The following ZNF626 variants were observed in gnomAD, a reference collection of about 807,000 sequenced individuals.
ZNF626 encodes the protein zinc finger protein 626, also known as CTC-513N18.7.
In ZNF626, 4 loss-of-function variants were observed where a neutral mutation model predicts 11.7. That is an observed-to-expected ratio of 0.34 (90% CI 0.17 to 0.78). The LOEUF is 0.78. Ranked by LOEUF, ZNF626 falls within the 30% of genes least tolerant of loss-of-function variation. The pLI is 0.57. For synonymous variants in ZNF626, 179 were observed against 198.6 expected, an observed-to-expected ratio of 0.90 and a Z score of 0.83; for missense variants, 588 against 587.1, an observed-to-expected ratio of 1.00 and a Z score of -0.01.
intron 3 of ZNF626, among the ~76,000 whole-genome samples, chr19:20,626,844 A>C (rs1323575782): frequency 6.6e-6 from 1 of 152,038 alleles, no homozygotes; most frequent in African/African-American, 2.4e-5. Context: ...GTAAAAACCC[A>C]TCTCTGCTAA....
At chr19:20,660,285 T>A (rs1216382934) in intron 1 of ZNF626, among the ~76,000 whole-genome samples, 1 of 150,564 alleles carries the variant, frequency 6.6e-6, no homozygotes, top group Non-Finnish European at 1.5e-5. Context: ...GTTGCAGGCT[T>A]AATATTAGCC....
Position 20,623,699 on chromosome 19 carries a change from T to C in ZNF626, c.*591A>G, listed in dbSNP as rs570912727. ...CTGTAATCCCCCTTACTTGGGAGGT[T>C]GAGGCAGGAGAATGGATTGAACCCA... On this transcript the variant is annotated 3_prime_UTR_variant, in exon 4 of 4. Coordinates refer to ENST00000601440, the MANE Select transcript of ZNF626 (RefSeq NM_001076675.3). 31 of 198,510 alleles carry C rather than the reference T, an allele frequency of 1.6e-4. No individual in the cohort carries two copies. In the East Asian group the frequency reaches 3.9e-3, roughly 25 times the overall value. The allele number at this position is 198,510 out of a possible 1,614,324, so 12.3% of individuals were successfully genotyped here.
Position 20,649,002 on chromosome 19 carries a change from G to GA in ZNF626, c.4-2598dup, listed in dbSNP as rs1199797137. 2.2e-4 allele frequency among the ~76,000 whole-genome samples: 33 copies of GA among 152,266 alleles called. 1 individual carries two copies. Among genetic ancestry groups the GA allele is most frequent in the Admixed American group, 1.8e-3 (27 of 15,280 alleles). On this transcript the variant is annotated intron_variant, in intron 1 of 3. Coordinates refer to ENST00000601440, the MANE Select transcript of ZNF626 (RefSeq NM_001076675.3). ...TAATTAAGCCAAACTCATTAGGGAG[G>GA]AAAAACACAAGTAGACAAGTAAAGG...
intron 3 of ZNF626, among the ~76,000 whole-genome samples, chr19:20,644,052 GGC>G (rs1555771686): frequency 2.0e-5 from 3 of 152,162 alleles, no homozygotes; most frequent in Non-Finnish European, 2.9e-5. Flanking sequence ...GCCAGAGTCT[GGC>G]AGAGGTCCTG....
intron 1 of ZNF626, among the ~76,000 whole-genome samples, chr19:20,652,799 C>T (rs940748490): frequency 3.3e-5 from 5 of 152,118 alleles, no homozygotes; most frequent in Admixed American, 6.5e-5. Flanking sequence ...GCTTGAGTGG[C>T]TGGAGTAGCA....
rs978051593 is a variant in ZNF626, at chr19:20,625,221, T to C, written c.656A>G (p.His219Arg). 2 of 1,613,506 alleles carry C rather than the reference T, an allele frequency of 1.2e-6. No homozygotes were observed. The highest frequency in any genetic ancestry group is 1.7e-6 in the Non-Finnish European group (2 of 1,179,962). Residue 219 changes from histidine to arginine, a missense_variant, in exon 4 of 4, where the codon CAT (histidine) becomes CGT (arginine). By Grantham distance (29) the His-to-Arg change is conservative (BLOSUM62 0). This residue lies in a region of ZNF626 where 524 missense variants were observed against 470.1 expected (regional missense o/e 1.11). Transcript: ENST00000601440. The stretch of plus-strand genomic sequence containing the variant: ...TTTCTCTCCAGTATGAATTTTCTTA[T>C]GTCTAGTAAGGCTACAAGAGTGGTT... ...AFNHSCSLTR[H>R]KKIHTGEKPY...
chr19:20,642,780 G>A (rs1970037174), intron 3 of ZNF626, among the ~76,000 whole-genome samples: 1 of 152,116 alleles, frequency 6.6e-6, no homozygotes, highest in Non-Finnish European at 1.5e-5. Context: ...CACTTTGGGA[G>A]GCTGAGGCGG....
chr19:20,661,513 A>T lies in ZNF626; in HGVS notation c.-67T>A. 2 of 1,578,616 alleles carry T rather than the reference A, an allele frequency of 1.3e-6. No individual in the cohort carries two copies. The highest frequency in any genetic ancestry group is 1.7e-6 in the Non-Finnish European group (2 of 1,163,768). ...CCCAATACCTGCAGGACACGGGGCC[A>T]CACAGCCTGGGCCTTTAGGAGAAGA... On this transcript the variant is annotated 5_prime_UTR_variant, in exon 1 of 4. Coordinates refer to ENST00000601440, the MANE Select transcript of ZNF626 (RefSeq NM_001076675.3).
chr19:20,653,654 A>G (rs1970172499), intron 1 of ZNF626, among the ~76,000 whole-genome samples: 1 of 42,266 alleles, frequency 2.4e-5, no homozygotes, highest in African/African-American at 4.5e-4. Context: ...AAAAAAAAAG[A>G]AAAAGAAAAA....
At chr19:20,660,710 C>T (rs1970257086) in intron 1 of ZNF626, among the ~76,000 whole-genome samples, 1 of 152,068 alleles carries the variant, frequency 6.6e-6, no homozygotes, top group African/African-American at 2.4e-5. Context: ...CTTGAGCCAC[C>T]GCGCCCAGCA....
chr19:20,655,825 C>CT (rs1193962932), intron 1 of ZNF626, among the ~76,000 whole-genome samples: 1 of 151,868 alleles, frequency 6.6e-6, no homozygotes, highest in African/African-American at 2.4e-5. Flanking sequence ...GTCCCAGCTA[C>CT]TTGGGAGGCT....
intron 3 of ZNF626, among the ~76,000 whole-genome samples, chr19:20,636,650 C>T (rs1171347724): frequency 6.6e-6 from 1 of 151,690 alleles, no homozygotes; most frequent in African/African-American, 2.4e-5. Context: ...TATTTTACTT[C>T]AAAAAGAATA....
At chr19:20,629,424 T>C (rs1167567948) in intron 3 of ZNF626, among the ~76,000 whole-genome samples, 16 of 152,200 alleles carry the variant, frequency 1.1e-4, no homozygotes, top group Non-Finnish European at 1.8e-4. Context: ...GCATGGAATG[T>C]TCTTCCATTT....
intron 3 of ZNF626, among the ~76,000 whole-genome samples, chr19:20,636,135 A>AAAAACC (rs576833241): frequency 9.9e-5 from 15 of 152,200 alleles, no homozygotes; most frequent in Non-Finnish European, 1.9e-4. Flanking sequence ...TCCCTCTCAA[A>AAAAACC]AAAACCAAAA....
intron 1 of ZNF626, among the ~76,000 whole-genome samples, chr19:20,648,475 C>G (rs1187073214): frequency 1.3e-5 from 2 of 151,616 alleles, no homozygotes; most frequent in Non-Finnish European, 2.9e-5. Context: ...CTCCCAGGTT[C>G]ACGCCATTCT....
intron 3 of ZNF626, among the ~76,000 whole-genome samples, chr19:20,627,598 A>G (rs1969853217): frequency 6.6e-6 from 1 of 152,042 alleles, no homozygotes; most frequent in African/African-American, 2.4e-5. Flanking sequence ...TCAGAAAACC[A>G]TTTAAATATA....
chr19:20,647,152 T>C (rs1484142067), intron 1 of ZNF626, among the ~76,000 whole-genome samples: 7 of 152,092 alleles, frequency 4.6e-5, no homozygotes, highest in African/African-American at 1.7e-4. Context: ...GCCAATGTGG[T>C]GAATTTCTAA....
At chr19:20,647,635 C>T (rs1002381173) in intron 1 of ZNF626, among the ~76,000 whole-genome samples, 4 of 151,706 alleles carry the variant, frequency 2.6e-5, no homozygotes, top group African/African-American at 7.3e-5. Flanking sequence ...TACAGGCACC[C>T]GCCACCATGC....
At chr19:20,646,164 T>C in intron 2 of ZNF626, 115 bp downstream of exon 2, 1 of 1,243,394 alleles carries the variant, frequency 8.0e-7, no homozygotes, top group South Asian at 2.1e-5. Context: ...GAAGATTTTC[T>C]GGAAAATGGG....
Sources: allele counts gnomAD v4.1 joint callset (sites outside exome capture counted in the v4.1 genomes callset), GRCh38; gene constraint gnomAD v4.1.1; regional missense constraint gnomAD v4.1.1; transcripts MANE v1.5; gene names NCBI Gene and HGNC (gene_info 2026-07-23, HGNC 2026-07-21).